Variants in BCOR observed in about 807,000 individuals in gnomAD.
The protein encoded by BCOR is BCL-6 corepressor.
BCOR carries 10 observed loss-of-function variants against 86.7 expected under a neutral mutation model. That is an observed-to-expected ratio of 0.12 (90% CI 0.07 to 0.20). The LOEUF (loss-of-function observed/expected upper bound fraction) is 0.20, where lower values mean the gene tolerates loss of function less well. BCOR is among the 10% of genes least tolerant of loss of function. The probability of loss-of-function intolerance (pLI) is 1.00; values close to 1 mark genes in which losing one functional copy is unlikely to be tolerated. For synonymous variants in BCOR, 611 were observed against 609.0 expected, an observed-to-expected ratio of 1.00 and a Z score of -0.05; for missense variants, 1,259 against 1,452.1, an observed-to-expected ratio of 0.87 and a Z score of 2.16.
chrX:40,053,875 G>A lies in BCOR; in HGVS notation c.4976+11C>T. On this transcript the variant is annotated intron_variant, in intron 14 of 14. Coordinates refer to ENST00000378444, the MANE Select transcript of BCOR (RefSeq NM_001123385.2). The stretch of plus-strand genomic sequence containing the variant: ...TCAGCTAGTTTTCAATCACATGACA[G>A]CCATGCTCACCCCTGAGCCACAGAT... 8.3e-7 allele frequency: 1 copy of A among 1,210,459 alleles called. No homozygotes were observed. Among genetic ancestry groups the A allele is most frequent in the Non-Finnish European group, 1.1e-6 (1 of 894,649 alleles).
At chrX:40,114,276 A>G (rs1937359124) in intron 1 of BCOR, among the ~76,000 whole-genome samples, 3 of 110,943 alleles carry the variant, frequency 2.7e-5, no homozygotes, top group Admixed American at 1.9e-4. Flanking sequence ...AGAAATTAGG[A>G]AAGTGAAGCA....
At chrX:40,056,272 G>C (rs767160001) in intron 11 of BCOR, among the ~76,000 whole-genome samples, 2 of 86,171 alleles carry the variant, frequency 2.3e-5, no homozygotes, top group South Asian at 1.4e-3. Flanking sequence ...ACAAGCAACT[G>C]TCACACATTA....
intron 12 of BCOR, 64 bp downstream of exon 12, chrX:40,055,304 T>A: frequency 9.4e-7 from 1 of 1,058,377 alleles, no homozygotes; most frequent in Non-Finnish European, 1.3e-6. Context: ...CAAATTCCAA[T>A]CATCTATTGT....
At chrX:40,109,046 C>T (rs1300655233) in intron 1 of BCOR, among the ~76,000 whole-genome samples, 1 of 113,184 alleles carries the variant, frequency 8.8e-6, no homozygotes, top group Non-Finnish European at 1.9e-5. Context: ...CGGCCCTGGC[C>T]CGCACGATTC....
chrX:40,112,492 A>C (rs1937327909), intron 1 of BCOR, among the ~76,000 whole-genome samples: 1 of 111,698 alleles, frequency 9.0e-6, no homozygotes, highest in African/African-American at 3.3e-5. Context: ...TATTATGTAC[A>C]TTTTTTCCAG....
At chrX:40,115,494 G>T (rs1416941642) in intron 1 of BCOR, among the ~76,000 whole-genome samples, 1 of 107,764 alleles carries the variant, frequency 9.3e-6, no homozygotes, top group Non-Finnish European at 1.9e-5. Flanking sequence ...TGTGGGGCCG[G>T]CCTGGGCTCG....
chrX:40,148,261 C>T (rs1446170878), intron 1 of BCOR, among the ~76,000 whole-genome samples: 1 of 111,841 alleles, frequency 8.9e-6, no homozygotes, highest in Non-Finnish European at 1.9e-5. Flanking sequence ...ACCCTTCTCC[C>T]GCTTGTCCGC....
intron 1 of BCOR, among the ~76,000 whole-genome samples, chrX:40,131,057 A>C (rs776931568): frequency 1.4e-4 from 16 of 111,973 alleles, no homozygotes; most frequent in Non-Finnish European, 3.0e-4. Context: ...CAGAAGACCC[A>C]CGCCAACCAA....
At chrX:40,138,649 G>A (rs934324117) in intron 1 of BCOR, among the ~76,000 whole-genome samples, 65 of 110,580 alleles carry the variant, frequency 5.9e-4, no homozygotes, top group African/African-American at 2.1e-3. Context: ...CCGCCTCCCG[G>A]GTTCAAGCGA....
intron 1 of BCOR, among the ~76,000 whole-genome samples, chrX:40,169,869 AGGGTTAACCCT>A (rs1401701932): frequency 9.1e-6 from 1 of 110,288 alleles, no homozygotes. Context: ...AGACGGGACC[AGGGTTAACCCT>A]GGTCCAAGGC....
At chrX:40,101,478 T>A (rs1023986754), upstream of BCOR, among the ~76,000 whole-genome samples, 3 of 112,990 alleles carry the variant, frequency 2.7e-5, no homozygotes, top group Non-Finnish European at 5.6e-5. Context: ...GGGCTGCCCC[T>A]CCGCCACCAA....
At chrX:40,168,013 C>T (rs1244880769) in intron 1 of BCOR, among the ~76,000 whole-genome samples, 4 of 112,568 alleles carry the variant, frequency 3.6e-5, no homozygotes, top group Admixed American at 2.8e-4. Flanking sequence ...TCCTCCCTTT[C>T]CCCTCCCCCA....
At chrX:40,123,520 G>A (rs1217724963) in intron 1 of BCOR, among the ~76,000 whole-genome samples, 1 of 110,493 alleles carries the variant, frequency 9.1e-6, no homozygotes, top group Non-Finnish European at 1.9e-5. Flanking sequence ...GCCCGGCTAA[G>A]TTTTTTGTAT....
Position 40,074,294 on chromosome X carries a change from G to C in BCOR, c.1052C>G (p.Ala351Gly). ...CTTGTGGAACTCCGAGTAGGTGTCT[G>C]CAGCAGGCTGGGTGGGAAGGTGGAC... ...PRVHLPTQPA[A>G]DTYSEFHKHY... is the part of the protein sequence containing the mutation. The change falls in exon 4 of 15, where the codon GCA (alanine) becomes GGA (glycine). Residue 351 changes from alanine to glycine, a missense_variant. Physicochemically the swap from Ala to Gly is moderately conservative, Grantham distance 60. Around this residue, in one of 7 missense-constraint regions of BCOR, gnomAD observed 534 missense variants for 594.8 expected, o/e 0.90. Coordinates refer to ENST00000378444, the MANE Select transcript of BCOR (RefSeq NM_001123385.2). 2.5e-6 allele frequency: 3 copies of C among 1,212,280 alleles called. No individual in the cohort carries two copies. Among genetic ancestry groups the C allele is most frequent in the Non-Finnish European group, 3.3e-6 (3 of 895,673 alleles).
At chrX:40,106,016 T>G (rs952865640) in intron 1 of BCOR, among the ~76,000 whole-genome samples, 1 of 112,550 alleles carries the variant, frequency 8.9e-6, no homozygotes, top group Non-Finnish European at 1.9e-5. Context: ...GAGTAGGTCA[T>G]GGCGGCACCG....
At position 40,062,934 on chromosome X, in the gene BCOR, T is replaced by G. The variant is rs760362391; in HGVS notation, c.3985A>C (p.Lys1329Gln). ...TCGTCTGCACACAGCACATCTGTCT[T>G]CTGGTTTTCTTTAATTTTCTGCTGT... ...AKQQKIKENQKTDVLCADEEE... is the reference protein window; with the variant it reads ...AKQQKIKENQQTDVLCADEEE... The change falls in exon 9 of 15, where the codon AAG becomes CAG. Residue 1329 changes from lysine to glutamine, a missense_variant. Coordinates refer to ENST00000378444, the MANE Select transcript of BCOR (RefSeq NM_001123385.2). 1 of 1,205,765 alleles carries G rather than the reference T, an allele frequency of 8.3e-7. No homozygotes were observed. Among genetic ancestry groups the G allele is most frequent in the Non-Finnish European group, 1.1e-6 (1 of 892,090 alleles).
intron 1 of BCOR, among the ~76,000 whole-genome samples, chrX:40,137,090 T>C (rs1050289171): frequency 8.9e-6 from 1 of 112,653 alleles, no homozygotes; most frequent in East Asian, 2.8e-4. Flanking sequence ...AAGGGACTTA[T>C]GTGGCTTCCA....
Position 40,116,377 on chromosome X carries a change from G to A in BCOR, c.-40-38408C>T, listed in dbSNP as rs188187840. Among the ~76,000 whole-genome samples the A allele has an allele frequency of 5.9e-3, 652 of 109,580 alleles. 1 individual carries two copies. The highest frequency in any genetic ancestry group is 0.021 in the African/African-American group (633 of 30,013). On this transcript the variant is annotated intron_variant, in intron 1 of 14. Coordinates refer to the BCOR transcript ENST00000342274. ...CCATGTGTGGTGGTGGGCGCCTGTA[G>A]TCCCAGCTACTCGGGAGGCTGAGGC...
chrX:40,074,727 G>T lies in BCOR; in HGVS notation c.619C>A (p.Leu207Ile). ...AGTGAATACTTATTTGGCGAGTCGA[G>T]GAAAGGGTAGATGGCTGGCGTGGCA... ...EGATPAIYPF[L>I]DSPNKYSLNM... The change falls in exon 4 of 15, where the codon CTC (leucine) becomes ATC (isoleucine). Residue 207 changes from leucine to isoleucine, a missense_variant. This residue lies in a region of BCOR where 174 missense variants were observed against 189.3 expected (regional missense o/e 0.92). Coordinates refer to ENST00000378444, the MANE Select transcript of BCOR (RefSeq NM_001123385.2). 8.3e-7 allele frequency: 1 copy of T among 1,211,734 alleles called. No individual in the cohort carries two copies. The highest frequency in any genetic ancestry group is 1.1e-6 in the Non-Finnish European group (1 of 895,456).
Sources: gnomAD v4.1 joint callset for allele counts (sites outside exome capture counted in the v4.1 genomes callset) on GRCh38, gnomAD v4.1.1 for gene constraint, gnomAD v4.1.1 regional missense constraint, MANE v1.5 for transcripts, NCBI Gene and HGNC (gene_info 2026-07-23, HGNC 2026-07-21) for gene names.